The following ATXN7L1 variants were observed in gnomAD, a reference collection of about 807,000 sequenced individuals.
The protein encoded by ATXN7L1 is ataxin-7-like protein 1.
A neutral mutation model predicts 70.8 loss-of-function variants in ATXN7L1; 15 were observed. That is an observed-to-expected ratio of 0.21 (90% CI 0.14 to 0.33). The LOEUF is 0.33. Ranked by LOEUF, ATXN7L1 falls within the 10% of genes least tolerant of loss-of-function variation. ATXN7L1 has a pLI of 1.00. For synonymous variants in ATXN7L1, 440 were observed against 445.1 expected (o/e 0.99, Z 0.14); for missense variants, 975 against 1,097.1 (o/e 0.89, Z 1.57).
At chr7:105,619,524 ATATATATTTTTTTTTTTTTTTT>A (rs1794575784) in intron 9 of ATXN7L1, among the ~76,000 whole-genome samples, 6 of 21,568 alleles carry the variant, frequency 2.8e-4, no homozygotes, top group East Asian at 3.0e-3. Flanking sequence ...ATATATATAT[ATATATATTTTTTTTTTTTTTTT>A]TTTTTTTTTT....
intron 3 of ATXN7L1, among the ~76,000 whole-genome samples, chr7:105,673,834 C>G (rs990321349): frequency 2.0e-5 from 3 of 152,232 alleles, no homozygotes; most frequent in African/African-American, 2.4e-5. Flanking sequence ...TGGGCTAGAA[C>G]CTGGGCCTGT....
chr7:105,761,984 T>C (rs973464675), intron 3 of ATXN7L1, among the ~76,000 whole-genome samples: 1 of 152,146 alleles, frequency 6.6e-6, no homozygotes, highest in African/African-American at 2.4e-5. Flanking sequence ...CACAGTACAA[T>C]ATGACCCCAA....
At chr7:105,647,548 G>A (rs1224785174) in intron 4 of ATXN7L1, among the ~76,000 whole-genome samples, 1 of 152,250 alleles carries the variant, frequency 6.6e-6, no homozygotes, top group Non-Finnish European at 1.5e-5. Context: ...TTGGGAGGCT[G>A]AGGCAGGAGA....
intron 3 of ATXN7L1, among the ~76,000 whole-genome samples, chr7:105,694,380 G>T (rs1791440719): frequency 6.6e-6 from 1 of 152,298 alleles, no homozygotes; most frequent in South Asian, 2.1e-4. Flanking sequence ...TGTCCTTGGG[G>T]TCAGCAACTG....
intron 4 of ATXN7L1, among the ~76,000 whole-genome samples, chr7:105,658,081 T>C (rs1258702877): frequency 6.6e-6 from 1 of 152,140 alleles, no homozygotes; most frequent in Non-Finnish European, 1.5e-5. Context: ...TTAAAGAAAA[T>C]AGTCATGTGT....
intron 2 of ATXN7L1, among the ~76,000 whole-genome samples, chr7:105,865,516 C>A (rs1817281191): frequency 6.6e-6 from 1 of 152,108 alleles, no homozygotes; most frequent in Admixed American, 6.5e-5. Context: ...ATTCTCCTGC[C>A]TCAGCCTCCT....
intron 2 of ATXN7L1, among the ~76,000 whole-genome samples, chr7:105,859,615 A>G (rs1816258700): frequency 6.6e-6 from 1 of 152,152 alleles, no homozygotes. Context: ...ACAGGTTTGT[A>G]GCCTAGGAGC....
intron 2 of ATXN7L1, among the ~76,000 whole-genome samples, chr7:105,839,221 GC>G (rs1482029184): frequency 4.0e-5 from 6 of 151,670 alleles, no homozygotes; most frequent in African/African-American, 1.5e-4. Context: ...GGAAGCTGTT[GC>G]TGCTGCATGA....
intron 2 of ATXN7L1, among the ~76,000 whole-genome samples, chr7:105,796,528 A>C (rs1445973566): frequency 6.6e-6 from 1 of 152,130 alleles, no homozygotes; most frequent in African/African-American, 2.4e-5. Flanking sequence ...CTGGTGGCTG[A>C]CAGTGGTTTT....
At chr7:105,751,270 G>A (rs1011379697) in intron 3 of ATXN7L1, among the ~76,000 whole-genome samples, 1 of 152,050 alleles carries the variant, frequency 6.6e-6, no homozygotes, top group African/African-American at 2.4e-5. Context: ...TATGCATATA[G>A]GAAAAGGCAC....
At chr7:105,651,243 C>T (rs916231477) in intron 4 of ATXN7L1, among the ~76,000 whole-genome samples, 2 of 152,190 alleles carry the variant, frequency 1.3e-5, no homozygotes, top group Non-Finnish European at 1.5e-5. Flanking sequence ...TGGCTCCATG[C>T]CTCAGTTTCC....
chr7:105,693,565 A>G (rs149337118), intron 3 of ATXN7L1, among the ~76,000 whole-genome samples: 1 of 105,594 alleles, frequency 9.5e-6, no homozygotes, highest in Non-Finnish European at 2.0e-5. Context: ...CCATCCATCC[A>G]TCCATCCATC....
In ATXN7L1 at chr7:105,755,070, C is replaced by T. The variant is rs551226679; in HGVS notation, c.355+33534G>A. ...AGGAAAAAAGAAAAGGCAAAACTCC[C>T]AGCAACCTCTTTTTTGGGTCTTCCT... On this transcript the variant is annotated intron_variant, in intron 3 of 11. Transcript: ENST00000419735. 9.3e-4 allele frequency among the ~76,000 whole-genome samples: 142 copies of T among 152,320 alleles called. 1 individual carries two copies. The highest frequency in any genetic ancestry group is 3.3e-3 in the South Asian group (16 of 4,818).
At chr7:105,672,384 T>C (rs1803896496) in intron 3 of ATXN7L1, among the ~76,000 whole-genome samples, 1 of 152,244 alleles carries the variant, frequency 6.6e-6, no homozygotes, top group South Asian at 2.1e-4. Context: ...GACTATTCCT[T>C]GTCAACTAAC....
intron 3 of ATXN7L1, among the ~76,000 whole-genome samples, chr7:105,786,359 A>C (rs1249171867): frequency 3.9e-5 from 6 of 152,182 alleles, no homozygotes; most frequent in Non-Finnish European, 8.8e-5. Flanking sequence ...CAGCTCTGCT[A>C]AACACCAGAG....
In ATXN7L1 at chr7:105,866,966, T is replaced by C. The variant is rs527746994; in HGVS notation, c.250+8846A>G. Reference sequence around the variant, plus strand: ...GCCTACTTCTGAAATATGTCATGAATGAAACAAAATGTCATAAACGAAACG... The same window carrying C: ...GCCTACTTCTGAAATATGTCATGAACGAAACAAAATGTCATAAACGAAACG... On this transcript the variant is annotated intron_variant, in intron 2 of 11. Transcript: ENST00000419735. Among the ~76,000 whole-genome samples the C allele has an allele frequency of 7.9e-5, 12 of 152,288 alleles. No individual in the cohort carries two copies. In the East Asian group the frequency reaches 2.3e-3, roughly 29 times the overall value.
intron 3 of ATXN7L1, among the ~76,000 whole-genome samples, chr7:105,686,704 G>T (rs1806223199): frequency 6.6e-6 from 1 of 152,092 alleles, no homozygotes; most frequent in Non-Finnish European, 1.5e-5. Flanking sequence ...ATATCATATT[G>T]AAAATGAAAA....
At chr7:105,736,158 G>C (rs1236281809) in intron 3 of ATXN7L1, among the ~76,000 whole-genome samples, 2 of 152,198 alleles carry the variant, frequency 1.3e-5, no homozygotes, top group Non-Finnish European at 1.5e-5. Context: ...CCAGGACTGA[G>C]TGATGAGGCT....
intron 3 of ATXN7L1, among the ~76,000 whole-genome samples, chr7:105,769,078 T>A (rs1157793626): frequency 2.6e-5 from 4 of 152,362 alleles, no homozygotes; most frequent in Middle Eastern, 3.4e-3. Flanking sequence ...ACTGAATTTC[T>A]TTGAGCTTCC....
Sources: gnomAD v4.1 joint callset for allele counts (sites outside exome capture counted in the v4.1 genomes callset) on GRCh38, gnomAD v4.1.1 for gene constraint, MANE v1.5 for transcripts, NCBI Gene and HGNC (gene_info 2026-07-23, HGNC 2026-07-21) for gene names.